Variants in PRTG observed in about 807,000 individuals in gnomAD.
PRTG encodes protogenin.
A neutral mutation model predicts 122.5 loss-of-function variants in PRTG; 67 were observed. That is an observed-to-expected ratio of 0.55 (90% CI 0.45 to 0.67). The LOEUF (loss-of-function observed/expected upper bound fraction) is 0.67, where lower values mean the gene tolerates loss of function less well. Ranked by LOEUF, PRTG falls within the 30% of genes least tolerant of loss-of-function variation. PRTG has a pLI of 0.00. For missense variants in PRTG, 1,435 were observed against 1,415.4 expected, an observed-to-expected ratio of 1.01 and a Z score of -0.22; for synonymous variants, 554 against 501.1, an observed-to-expected ratio of 1.11 and a Z score of -1.41.
chr15:55,686,408 A>T (rs937987739), intron 2 of PRTG, among the ~76,000 whole-genome samples: 3 of 152,018 alleles, frequency 2.0e-5, no homozygotes, highest in South Asian at 2.1e-4. Context: ...CTTAGTTTAA[A>T]TTTTTTTTAC....
intron 2 of PRTG, chr15:55,738,694 AATT>A (rs2031512994): frequency 4.5e-5 from 18 of 400,246 alleles, no homozygotes; most frequent in Admixed American, 4.3e-4. Context: ...TGAAAAAAAT[AATT>A]ATTGGCCAAT....
At chr15:55,726,067 C>A (rs2031020638) in intron 2 of PRTG, among the ~76,000 whole-genome samples, 1 of 152,116 alleles carries the variant, frequency 6.6e-6, no homozygotes, top group Admixed American at 6.5e-5. Context: ...CCTCAGCCTC[C>A]CAAGTAGTAG....
intron 2 of PRTG, among the ~76,000 whole-genome samples, chr15:55,709,012 G>A (rs369837564): frequency 6.6e-6 from 1 of 151,650 alleles, no homozygotes; most frequent in South Asian, 2.1e-4. Context: ...TTGGTGTGGT[G>A]GTGCGTGCAT....
chr15:55,681,474 A>G (rs1002572836), intron 4 of PRTG: 4 of 151,998 alleles, frequency 2.6e-5, no homozygotes, highest in Non-Finnish European at 5.9e-5. Context: ...TGAAATATCT[A>G]TTTCTTTATA....
intron 11 of PRTG, among the ~76,000 whole-genome samples, chr15:55,660,466 C>A (rs934307390): frequency 6.6e-6 from 1 of 152,130 alleles, no homozygotes. Flanking sequence ...TGAGGGCTGA[C>A]GTGCAGTATG....
chr15:55,742,475 G>A (rs2031641270), intron 1 of PRTG: 1 of 221,140 alleles, frequency 4.5e-6, no homozygotes, highest in Non-Finnish European at 8.8e-6. Flanking sequence ...CTGGCGACCC[G>A]GAGTCCGGCC....
intron 17 of PRTG, among the ~76,000 whole-genome samples, chr15:55,626,475 G>A (rs1308322324): frequency 6.6e-6 from 1 of 151,326 alleles, no homozygotes; most frequent in East Asian, 2.0e-4. Context: ...TGGGAGCAGT[G>A]GCTGATACCT....
At chr15:55,687,418 G>T (rs923814599) in intron 2 of PRTG, among the ~76,000 whole-genome samples, 1 of 152,138 alleles carries the variant, frequency 6.6e-6, no homozygotes, top group African/African-American at 2.4e-5. Flanking sequence ...CTGCTGCCTT[G>T]AGTTACTTCC....
chr15:55,635,071 C>CTCTG (rs1555429863), intron 15 of PRTG, among the ~76,000 whole-genome samples: 45 of 31,604 alleles, frequency 1.4e-3, no homozygotes, highest in African/African-American at 7.1e-3. Context: ...GTTGTTGGTT[C>CTCTG]TGGGTGTGTG....
Position 55,680,550 on chromosome 15 carries a change from A to G in PRTG, c.755T>C (p.Val252Ala). ...QNITTSLHQTVVLECMATGNP... is the reference protein window; with the variant it reads ...QNITTSLHQTAVLECMATGNP... Reference sequence around the variant, plus strand: ...TCCTGTGGCCATGCATTCCAAAACTACAGTCTGATGAAGAGATGTTGTTAT... The same window carrying G: ...TCCTGTGGCCATGCATTCCAAAACTGCAGTCTGATGAAGAGATGTTGTTAT... The change falls in exon 5 of 20, where the codon GTA (valine) becomes GCA (alanine). Residue 252 changes from valine to alanine, a missense_variant. Coordinates refer to ENST00000389286, the MANE Select transcript of PRTG (RefSeq NM_173814.6). 6.2e-7 allele frequency: 1 copy of G among 1,603,152 alleles called. No individual in the cohort carries two copies. Among genetic ancestry groups the G allele is most frequent in the East Asian group, 2.2e-5 (1 of 44,580 alleles).
intron 2 of PRTG, among the ~76,000 whole-genome samples, chr15:55,684,438 G>C (rs1199548633): frequency 6.6e-6 from 1 of 152,124 alleles, no homozygotes; most frequent in African/African-American, 2.4e-5. Context: ...CAAGCACAGA[G>C]GTAAGAAATG....
At chr15:55,638,208 G>T (rs974122423) in intron 14 of PRTG, among the ~76,000 whole-genome samples, 1 of 152,074 alleles carries the variant, frequency 6.6e-6, no homozygotes. Flanking sequence ...TCATTATAAC[G>T]TTGGCTCCTA....
chr15:55,630,532 A>G (rs1391658220), intron 15 of PRTG, among the ~76,000 whole-genome samples: 1 of 152,196 alleles, frequency 6.6e-6, no homozygotes. Context: ...CAAAATCACC[A>G]CCAGCAATCT....
intron 2 of PRTG, among the ~76,000 whole-genome samples, chr15:55,729,627 A>G (rs1286484843): frequency 2.0e-5 from 3 of 151,930 alleles, no homozygotes; most frequent in African/African-American, 4.8e-5. Flanking sequence ...AAATATATAT[A>G]TGTATATCTA....
At chr15:55,659,014 C>T (rs1375911908) in intron 11 of PRTG, among the ~76,000 whole-genome samples, 1 of 152,168 alleles carries the variant, frequency 6.6e-6, no homozygotes, top group Non-Finnish European at 1.5e-5. Context: ...TTATTAACAT[C>T]CTGGCAGGCT....
intron 2 of PRTG, among the ~76,000 whole-genome samples, chr15:55,693,377 A>C (rs1455519469): frequency 6.6e-6 from 1 of 151,446 alleles, no homozygotes; most frequent in African/African-American, 2.4e-5. Context: ...AATTGCTTGA[A>C]CCCAGAAGGC....
At chr15:55,638,959 T>TTCATA (rs2059273819) in intron 13 of PRTG, among the ~76,000 whole-genome samples, 2 of 65,220 alleles carry the variant, frequency 3.1e-5, no homozygotes, top group East Asian at 0.083. Flanking sequence ...AGTCAAATCA[T>TTCATA]TCATTCATTC....
chr15:55,624,173 C>T (rs1243518319), intron 18 of PRTG, among the ~76,000 whole-genome samples, 169 bp downstream of exon 18: 2 of 150,130 alleles, frequency 1.3e-5, no homozygotes, highest in Non-Finnish European at 3.0e-5. Context: ...TCACCTTTTT[C>T]CCCCTAAATA....
At chr15:55,713,934 TTTC>T (rs1410745174) in intron 2 of PRTG, among the ~76,000 whole-genome samples, 1 of 152,168 alleles carries the variant, frequency 6.6e-6, no homozygotes, top group Non-Finnish European at 1.5e-5. Context: ...TATTAATTTT[TTTC>T]TTCATGGGTT....
Sources: allele counts gnomAD v4.1 joint callset (sites outside exome capture counted in the v4.1 genomes callset), GRCh38; gene constraint gnomAD v4.1.1; transcripts MANE v1.5; gene names NCBI Gene and HGNC (gene_info 2026-07-23, HGNC 2026-07-21).